The following NCR1 variants were observed in gnomAD, a reference collection of about 807,000 sequenced individuals.
NCR1 encodes natural cytotoxicity triggering receptor 1.
A neutral mutation model predicts 32.5 loss-of-function variants in NCR1; 30 were observed. That is an observed-to-expected ratio of 0.92 (90% CI 0.69 to 1.25). The LOEUF (loss-of-function observed/expected upper bound fraction) is 1.25. Ranked by LOEUF, NCR1 falls within the 50% of genes most tolerant of loss-of-function variation. NCR1 has a pLI of 0.00. For missense variants in NCR1, 369 were observed against 380.7 expected (o/e 0.97, Z 0.26); for synonymous variants, 169 against 143.4 (o/e 1.18, Z -1.28).
chr19:54,918,214 A>G (rs112693632), downstream of NCR1, among the ~76,000 whole-genome samples: 7,090 of 151,758 alleles, frequency 0.047, 258 homozygotes, highest in Middle Eastern at 0.15. Context: ...TTACAGGTGT[A>G]AGCCACCGCA....
the NCR1 span, chr19:54,933,755 A>G: frequency 1.2e-6 from 2 of 1,610,814 alleles, no homozygotes. Context: ...AAAATATGAA[A>G]CAAATGGTAG....
chr19:54,932,653 G>A, the NCR1 span, among the ~76,000 whole-genome samples: 1 of 150,960 alleles, frequency 6.6e-6, no homozygotes, highest in Non-Finnish European at 1.5e-5. Context: ...TTTTTGTTGA[G>A]TTTTTTTTTG....
chr19:54,934,683 ATTCTTC>A, the NCR1 span: 27 of 1,601,704 alleles, frequency 1.7e-5, no homozygotes, highest in Non-Finnish European at 2.3e-5. This position sits in a 1 kb window ranked among gnomAD's most constrained non-coding sequence, Gnocchi z 6.7. Flanking sequence ...GGGAAAAGTC[ATTCTTC>A]TGGGAGGACA....
chr19:54,904,258 A>T (rs4806460), upstream of NCR1, among the ~76,000 whole-genome samples: 65,529 of 151,658 alleles, frequency 0.43, 14,198 homozygotes, highest in Non-Finnish European at 0.47. Context: ...TTTGAAGAAG[A>T]TAGTGTTATC....
downstream of NCR1, among the ~76,000 whole-genome samples, chr19:54,919,201 G>C (rs1245878661): frequency 6.6e-6 from 1 of 151,502 alleles, no homozygotes; most frequent in African/African-American, 2.4e-5. Context: ...AGAGAGTGTA[G>C]AAATAAAGAC....
the NCR1 span, chr19:54,934,429 C>T: frequency 1.6e-5 from 25 of 1,565,388 alleles, no homozygotes; most frequent in East Asian, 4.7e-4. This position sits in a 1 kb window ranked among gnomAD's most constrained non-coding sequence, Gnocchi z 6.7. Context: ...CAGGTGTTAC[C>T]CTTTCTCTTC....
chr19:54,923,671 G>A, the NCR1 span: 1 of 1,545,114 alleles, frequency 6.5e-7, no homozygotes. Flanking sequence ...CCTCTGACCT[G>A]CATTCATAAG....
chr19:54,904,334 G>A (rs896922481), upstream of NCR1, among the ~76,000 whole-genome samples: 5 of 151,520 alleles, frequency 3.3e-5, no homozygotes, highest in Admixed American at 6.6e-5. Flanking sequence ...AGAAGCCAAC[G>A]TCAAAACCCC....
At chr19:54,911,246 G>C (rs890289205) in intron 5 of NCR1, among the ~76,000 whole-genome samples, 1 of 151,860 alleles carries the variant, frequency 6.6e-6, no homozygotes, top group Non-Finnish European at 1.5e-5. Flanking sequence ...CTACGCAAGA[G>C]GCTGAGGCAG....
the NCR1 span, among the ~76,000 whole-genome samples, chr19:54,899,573 G>T: frequency 6.6e-6 from 1 of 152,132 alleles, no homozygotes; most frequent in South Asian, 2.1e-4. Flanking sequence ...AGACGTCAGG[G>T]CACAGAAATA....
upstream of NCR1, among the ~76,000 whole-genome samples, chr19:54,902,986 C>CT (rs2067327119): frequency 6.6e-6 from 1 of 151,346 alleles, no homozygotes; most frequent in Non-Finnish European, 1.5e-5. Flanking sequence ...AAAAATTAGT[C>CT]GAGTGTGGTG....
chr19:54,927,599 C>T, the NCR1 span: 1 of 1,613,556 alleles, frequency 6.2e-7, no homozygotes, highest in Non-Finnish European at 8.5e-7. Flanking sequence ...AACAAAAAAC[C>T]CATACCTGAG....
downstream of NCR1, among the ~76,000 whole-genome samples, chr19:54,919,746 TCTG>T (rs2068210674): frequency 7.9e-6 from 1 of 126,116 alleles, no homozygotes; most frequent in Non-Finnish European, 1.6e-5. Flanking sequence ...CCTTTCCCGG[TCTG>T]CTAAGTAGCG....
upstream of NCR1, among the ~76,000 whole-genome samples, chr19:54,902,856 G>C (rs1602008528): frequency 6.6e-6 from 1 of 152,274 alleles, no homozygotes; most frequent in Non-Finnish European, 1.5e-5. Flanking sequence ...CGGGCTGGGT[G>C]TGGTGGCTCA....
the NCR1 span, among the ~76,000 whole-genome samples, chr19:54,931,222 G>C: frequency 6.6e-6 from 1 of 152,060 alleles, no homozygotes; most frequent in African/African-American, 2.4e-5. Flanking sequence ...AGGAGTTCAA[G>C]ACCAGCCTGG....
the NCR1 span, chr19:54,933,726 G>T: frequency 6.2e-7 from 1 of 1,614,036 alleles, no homozygotes; most frequent in South Asian, 1.1e-5. Context: ...TCTGTAAGAC[G>T]ACAGTTTTCC....
chr19:54,930,643 T>C, the NCR1 span: 3 of 1,613,764 alleles, frequency 1.9e-6, no homozygotes, highest in East Asian at 6.7e-5. Context: ...ACAGCCAAGC[T>C]TGGTTATGCT....
chr19:54,930,115 CA>C, the NCR1 span, among the ~76,000 whole-genome samples: 35,536 of 100,374 alleles, frequency 0.35, 4,865 homozygotes, highest in East Asian at 0.5. Context: ...GGCTCCGTCT[CA>C]AAAAAAAAAA....
At chr19:54,911,069 C>T (rs116395563) in intron 5 of NCR1, among the ~76,000 whole-genome samples, 286 of 152,024 alleles carry the variant, frequency 1.9e-3, no homozygotes, top group African/African-American at 6.5e-3. Flanking sequence ...GAGTGAGGCC[C>T]GGCGCGGTGG....
Sources: allele counts gnomAD v4.1 joint callset (sites outside exome capture counted in the v4.1 genomes callset), GRCh38; gene constraint gnomAD v4.1.1; non-coding constraint Gnocchi (gnomAD v3.1); transcripts MANE v1.5; gene names NCBI Gene and HGNC (gene_info 2026-07-23, HGNC 2026-07-21).